Variants in ABCA5 observed in about 807,000 individuals in gnomAD.
ABCA5 encodes the protein cholesterol transporter ABCA5.
A neutral mutation model predicts 206.0 loss-of-function variants in ABCA5; 163 were observed. The observed-to-expected ratio is 0.79, with a 90% CI of 0.70 to 0.90. The LOEUF (loss-of-function observed/expected upper bound fraction) is 0.90. ABCA5 is among the 40% of genes least tolerant of loss of function. The pLI is 0.00. For missense variants in ABCA5, 1,859 were observed against 1,912.9 expected (o/e 0.97, Z 0.53); for synonymous variants, 609 against 613.8 (o/e 0.99, Z 0.11).
Position 69,255,602 on chromosome 17 carries a change from C to A in ABCA5, c.4009G>T (p.Ala1337Ser). 1 of 1,582,002 alleles carries A rather than the reference C, an allele frequency of 6.3e-7. No homozygotes were observed. The highest frequency in any genetic ancestry group is 1.7e-4 in the Middle Eastern group (1 of 5,852). ...ATATTAATAATTGTGCTTTTGCCAG[C>A]ACCATTTGGACCCAATAGTCCTAAG... is the stretch of plus-strand genomic sequence containing the variant. ...EILGLLGPNG[A>S]GKSTIINILV... Residue 1337 changes from alanine (A) to serine (S), a missense_variant, in exon 31 of 39, where the codon GCT becomes TCT. Transcript: ENST00000392676.
intron 9 of ABCA5, among the ~76,000 whole-genome samples, chr17:69,300,933 C>T (rs1012066090): frequency 6.6e-6 from 1 of 152,142 alleles, no homozygotes; most frequent in Admixed American, 6.6e-5. Context: ...CAAAACTGCT[C>T]TCTTTTTACA....
At chr17:69,270,886 C>T in intron 21 of ABCA5, 136 bp from the exon 22 acceptor site, 1 of 822,740 alleles carries the variant, frequency 1.2e-6, no homozygotes, top group East Asian at 2.9e-5. Context: ...AAATAATACT[C>T]AATGACAGAT....
chr17:69,296,791 C>T lies in ABCA5; in HGVS notation c.1436+400G>A, dbSNP rs150311089. On this transcript the variant is annotated intron_variant, in intron 10 of 38. Coordinates refer to ENST00000392676, the MANE Select transcript of ABCA5 (RefSeq NM_172232.4). ...ACCAGTCTGGCCAACATGGTGAAAC[C>T]CTGTCTCTACTAAAAATACAAAAAT... Among the ~76,000 whole-genome samples the T allele has an allele frequency of 4.9e-3, 752 of 152,208 alleles. 4 individuals carry two copies. Among genetic ancestry groups the T allele is most frequent in the Middle Eastern group, 0.014 (4 of 294 alleles).
Position 69,247,358 on chromosome 17 carries a change from A to G in ABCA5, c.*179T>C. 1.9e-6 allele frequency: 1 copy of G among 530,928 alleles called. No individual in the cohort carries two copies. Among genetic ancestry groups the G allele is most frequent in the Non-Finnish European group, 3.3e-6 (1 of 303,628 alleles). The allele number at this position is 530,928 out of a possible 1,614,324, so 32.9% of individuals were successfully genotyped here. On this transcript the variant is annotated 3_prime_UTR_variant, in exon 39 of 39. Coordinates refer to ENST00000392676, the MANE Select transcript of ABCA5 (RefSeq NM_172232.4). ...CATGCAGCTTCACTTAATTATACAT[A>G]CGTTTTATTTAAAGAAAAGCAAAAC...
At chr17:69,273,605 G>A (rs2075298014) in intron 20 of ABCA5, among the ~76,000 whole-genome samples, 1 of 151,808 alleles carries the variant, frequency 6.6e-6, no homozygotes, top group African/African-American at 2.4e-5. Flanking sequence ...ACAGGCGCGT[G>A]CCACCATGCC....
At chr17:69,278,509 G>C (rs144481495) in intron 18 of ABCA5, among the ~76,000 whole-genome samples, 144 of 152,124 alleles carry the variant, frequency 9.5e-4, no homozygotes, top group African/African-American at 3.3e-3. Flanking sequence ...TTAGTCTTTG[G>C]AAGGTTTAAG....
chr17:69,299,020 A>G (rs186677715), intron 9 of ABCA5, among the ~76,000 whole-genome samples: 6 of 152,328 alleles, frequency 3.9e-5, no homozygotes, highest in Admixed American at 3.9e-4. Flanking sequence ...ACATGAATAG[A>G]TAACTCTAAT....
At chr17:69,274,269 A>T (rs2075306600) in intron 19 of ABCA5, 141 bp from the exon 20 acceptor site, 1 of 726,154 alleles carries the variant, frequency 1.4e-6, no homozygotes, top group African/African-American at 1.8e-5. Flanking sequence ...CCCAGGCTGG[A>T]GTGTAATGGC....
chr17:69,319,686 A>T (rs778623714), intron 1 of ABCA5, among the ~76,000 whole-genome samples: 90 of 152,366 alleles, frequency 5.9e-4, no homozygotes, highest in South Asian at 1.4e-3. Context: ...GCTTTCTTCT[A>T]ATGTACCACA....
rs1190118770 is a variant in ABCA5, at chr17:69,247,412, CT to C, written c.*124del. On this transcript the variant is annotated 3_prime_UTR_variant, in exon 39 of 39. Transcript: ENST00000392676. ...CAACCACAGCATTTCAATTAAGGAG[CT>C]TAGAAAAATTTCAAGTGCGTTCTTG... 1 of 613,756 alleles carries C rather than the reference CT, an allele frequency of 1.6e-6. No individual in the cohort carries two copies. The highest frequency in any genetic ancestry group is 1.9e-5 in the African/African-American group (1 of 52,944). The allele number at this position is 613,756 out of a possible 1,614,324, so 38.0% of individuals were successfully genotyped here. A position where few individuals can be genotyped will look rare whatever the true frequency, so the allele number is the denominator to read the frequency against.
intron 18 of ABCA5, among the ~76,000 whole-genome samples, chr17:69,279,420 G>A (rs1371970167): frequency 6.6e-6 from 1 of 152,096 alleles, no homozygotes; most frequent in Non-Finnish European, 1.5e-5. Flanking sequence ...ATGCTCATGG[G>A]TAGGAAGAAC....
At chr17:69,295,997 T>C (rs1042163122) in intron 10 of ABCA5, among the ~76,000 whole-genome samples, 7 of 152,184 alleles carry the variant, frequency 4.6e-5, no homozygotes, top group Non-Finnish European at 2.9e-5. Flanking sequence ...GTAAGCGTCA[T>C]TGATTCATTT....
At chr17:69,272,203 G>A (rs2075281204) in intron 20 of ABCA5, among the ~76,000 whole-genome samples, 1 of 152,004 alleles carries the variant, frequency 6.6e-6, no homozygotes, top group Non-Finnish European at 1.5e-5. Flanking sequence ...TCTCTAACTT[G>A]CAAGACCAGC....
Position 69,304,817 on chromosome 17 carries a change from TG to T in ABCA5, c.789-8del, listed in dbSNP as rs542855267. 1.8e-4 allele frequency: 283 copies of T among 1,583,316 alleles called. No homozygotes were observed. In the African/African-American group the frequency reaches 3.7e-3, roughly 21 times the overall value. ...TAGAAGAACCCAGGAAAGCCTAAAA[TG>T]AGAATACAGATATAGTTATGGTCAA... is the stretch of plus-strand genomic sequence containing the variant. On this transcript the variant is annotated splice_polypyrimidine_tract_variant and splice_region_variant and intron_variant, in intron 6 of 38. Transcript: ENST00000392676.
At chr17:69,268,102 A>G (rs768440337) in intron 22 of ABCA5, 46 bp from the exon 23 acceptor site, 1 of 853,690 alleles carries the variant, frequency 1.2e-6, no homozygotes, top group Non-Finnish European at 1.9e-6. Context: ...GAATCATTTT[A>G]TATCTTAAGA....
intron 5 of ABCA5, among the ~76,000 whole-genome samples, chr17:69,307,495 G>C (rs1039144375): frequency 3.3e-5 from 5 of 152,010 alleles, no homozygotes; most frequent in Non-Finnish European, 7.4e-5. Context: ...TATTCATCCA[G>C]TGTGGTCTGT....
At position 69,306,751 on chromosome 17, in the gene ABCA5, T is replaced by C. The variant is rs1190313955; in HGVS notation, c.762A>G (p.Ile254Met). The C allele has an allele frequency of 3.2e-6, 5 of 1,542,152 alleles. No homozygotes were observed. The South Asian group carries it at 3.8e-5, about 12-fold the overall frequency. ...AAAAGGCAGTATCATGAAGTCCCAT[T>C]ATCTTTAAAAATTCTTTTATTTTTT... ...KEKKIKEFLK[I>M]MGLHDTAFWL... The change falls in exon 6 of 39, where the codon ATA (isoleucine) becomes ATG (methionine). Residue 254 changes from isoleucine to methionine, a missense_variant. By Grantham distance (10) the Ile-to-Met change is conservative. Transcript: ENST00000392676.
intron 35 of ABCA5, chr17:69,251,103 C>T (rs2075008047): frequency 6.5e-6 from 1 of 153,092 alleles, no homozygotes. Context: ...CATGACTACA[C>T]TTGGGTTATG....
chr17:69,322,110 G>A (rs1353502666), intron 1 of ABCA5, among the ~76,000 whole-genome samples: 1 of 151,880 alleles, frequency 6.6e-6, no homozygotes, highest in Admixed American at 6.6e-5. Flanking sequence ...AGTGGTTCAC[G>A]CCTGTAATCC....
Sources: gnomAD v4.1 joint callset for allele counts (sites outside exome capture counted in the v4.1 genomes callset) on GRCh38, gnomAD v4.1.1 for gene constraint, MANE v1.5 for transcripts, NCBI Gene and HGNC (gene_info 2026-07-23, HGNC 2026-07-21) for gene names.